MTCL2: variants seen among roughly 807,000 people sequenced by gnomAD.
The protein encoded by MTCL2 is microtubule crosslinking factor 2.
the MTCL2 span, among the ~76,000 whole-genome samples, chr20:36,853,758 T>C: frequency 6.7e-6 from 1 of 149,926 alleles, no homozygotes; most frequent in Non-Finnish European, 1.5e-5. Flanking sequence ...TTGTTGTTGG[T>C]AAGAGACCAC....
At chr20:36,791,378 C>A in the MTCL2 span, among the ~76,000 whole-genome samples, 1 of 152,140 alleles carries the variant, frequency 6.6e-6, no homozygotes, top group Non-Finnish European at 1.5e-5. Context: ...GCAACTTATA[C>A]CTAAGGAAAT....
chr20:36,840,880 T>C, the MTCL2 span, among the ~76,000 whole-genome samples: 5 of 151,734 alleles, frequency 3.3e-5, no homozygotes, highest in Non-Finnish European at 7.4e-5. Context: ...ATCAACTATG[T>C]ACGTCCTAGG....
chr20:36,794,174 C>T, the MTCL2 span: 3 of 1,549,678 alleles, frequency 1.9e-6, no homozygotes, highest in South Asian at 1.2e-5. The surrounding 1 kb of genome is among the most constrained non-coding windows in gnomAD (Gnocchi z 5.4). Flanking sequence ...GCAGAGCCAC[C>T]GACCATAGGA....
the MTCL2 span, chr20:36,810,036 C>G: frequency 1.2e-6 from 2 of 1,600,304 alleles, no homozygotes; most frequent in South Asian, 2.3e-5. Context: ...GCTGCCGCTC[C>G]TGGGAGAGCT....
At chr20:36,836,188 T>C in the MTCL2 span, among the ~76,000 whole-genome samples, 3 of 151,568 alleles carry the variant, frequency 2.0e-5, no homozygotes, top group African/African-American at 7.3e-5. Context: ...TTTTTTTCTT[T>C]TAGAGAGAGA....
the MTCL2 span, chr20:36,815,244 G>A: frequency 6.2e-7 from 1 of 1,614,026 alleles, no homozygotes; most frequent in Non-Finnish European, 8.5e-7. The surrounding 1 kb of genome is among the most constrained non-coding windows in gnomAD (Gnocchi z 5.3). Context: ...CCCGAGGACT[G>A]CATCTGCCTT....
chr20:36,829,219 A>G, the MTCL2 span: 2 of 1,603,440 alleles, frequency 1.2e-6, no homozygotes, highest in Non-Finnish European at 1.7e-6. Flanking sequence ...AGACCTGTGC[A>G]GGGGTGGGAG....
chr20:36,841,877 GTGTGT>G, the MTCL2 span, among the ~76,000 whole-genome samples: 104 of 71,772 alleles, frequency 1.4e-3, 1 homozygote, highest in Admixed American at 2.5e-3. Context: ...GGGGTGGGGT[GTGTGT>G]GTGTGTGTGT....
At chr20:36,784,050 A>G in the MTCL2 span, 1 of 985,488 alleles carries the variant, frequency 1.0e-6, no homozygotes, top group Non-Finnish European at 1.2e-6. Flanking sequence ...GGACGGTACG[A>G]TGGTAAGGCT....
chr20:36,853,057 C>CA, the MTCL2 span, among the ~76,000 whole-genome samples: 486 of 71,188 alleles, frequency 6.8e-3, no homozygotes, highest in African/African-American at 0.016. Flanking sequence ...ACTTCGTCTC[C>CA]AAAAAAAAAA....
the MTCL2 span, chr20:36,793,469 C>T: frequency 1.2e-5 from 19 of 1,551,260 alleles, no homozygotes; most frequent in East Asian, 4.9e-5. This position sits in a 1 kb window ranked among gnomAD's most constrained non-coding sequence, Gnocchi z 6.8. Context: ...GCTCGGTGCC[C>T]GGCCACACAC....
chr20:36,859,168 C>T, the MTCL2 span, among the ~76,000 whole-genome samples: 38 of 152,168 alleles, frequency 2.5e-4, no homozygotes, highest in African/African-American at 8.9e-4. Context: ...ACACAGTAAA[C>T]GGGAGAGTCA....
At chr20:36,838,859 T>G in the MTCL2 span, among the ~76,000 whole-genome samples, 1 of 151,960 alleles carries the variant, frequency 6.6e-6, no homozygotes, top group Non-Finnish European at 1.5e-5. Context: ...TCCCAGCTAC[T>G]TGGGAGGCTG....
At chr20:36,784,109 G>A in the MTCL2 span, 8 of 985,546 alleles carry the variant, frequency 8.1e-6, no homozygotes, top group East Asian at 1.1e-4. Context: ...ATTTCTCCCC[G>A]AGGCTGAGTA....
At chr20:36,790,684 GC>G in the MTCL2 span, among the ~76,000 whole-genome samples, 2 of 144,628 alleles carry the variant, frequency 1.4e-5, no homozygotes, top group African/African-American at 5.2e-5. Context: ...CAATCCACCT[GC>G]CTCGGCCTCC....
the MTCL2 span, among the ~76,000 whole-genome samples, chr20:36,831,610 C>G: frequency 6.6e-6 from 1 of 152,142 alleles, no homozygotes; most frequent in Admixed American, 6.5e-5. Flanking sequence ...GAAAGGAAAC[C>G]AGGCATGGCC....
chr20:36,844,126 T>C, the MTCL2 span, among the ~76,000 whole-genome samples: 1 of 151,830 alleles, frequency 6.6e-6, no homozygotes, highest in Non-Finnish European at 1.5e-5. Flanking sequence ...ATCCCAGCTA[T>C]TCAGGAGGCT....
the MTCL2 span, among the ~76,000 whole-genome samples, chr20:36,807,527 T>C: frequency 2.0e-5 from 3 of 152,174 alleles, no homozygotes; most frequent in Non-Finnish European, 4.4e-5. Flanking sequence ...TCTTCCCTGA[T>C]GTGTTGATGT....
chr20:36,850,965 T>C, the MTCL2 span, among the ~76,000 whole-genome samples: 1 of 152,098 alleles, frequency 6.6e-6, no homozygotes, highest in Non-Finnish European at 1.5e-5. Context: ...CTGAGTAGGC[T>C]ACACACTGTA....
Sources: gnomAD v4.1 joint callset for allele counts (sites outside exome capture counted in the v4.1 genomes callset) on GRCh38, gnomAD v4.1.1 for gene constraint, Gnocchi (gnomAD v3.1) non-coding constraint, MANE v1.5 for transcripts, NCBI Gene and HGNC (gene_info 2026-07-23, HGNC 2026-07-21) for gene names.